The following PAK5 variants were observed in gnomAD, a reference collection of about 807,000 sequenced individuals.
The protein encoded by PAK5 is p21 (RAC1) activated kinase 5.
PAK5 carries 16 observed loss-of-function variants against 65.9 expected under a neutral mutation model. That is an observed-to-expected ratio of 0.24 (90% CI 0.16 to 0.37). PAK5 has a LOEUF of 0.37. Ranked by LOEUF, PAK5 falls within the 10% of genes least tolerant of loss-of-function variation. PAK5 has a pLI of 1.00. For synonymous variants in PAK5, 371 were observed against 354.9 expected (o/e 1.05, Z -0.51); for missense variants, 785 against 903.9 (o/e 0.87, Z 1.69).
chr20:9,804,461 G>A (rs557561358), intron 1 of PAK5, among the ~76,000 whole-genome samples: 1 of 152,050 alleles, frequency 6.6e-6, no homozygotes, highest in East Asian at 1.9e-4. Context: ...GACAATACAT[G>A]GGAAAAAATC....
chr20:9,633,132 C>T (rs966425888), intron 3 of PAK5, among the ~76,000 whole-genome samples: 5 of 152,264 alleles, frequency 3.3e-5, no homozygotes, highest in Admixed American at 6.5e-5. Flanking sequence ...GGTGGCTCTG[C>T]TTCCAGTTTC....
At chr20:9,736,961 T>C (rs1392660774) in intron 1 of PAK5, among the ~76,000 whole-genome samples, 1 of 152,128 alleles carries the variant, frequency 6.6e-6, no homozygotes. Flanking sequence ...TCAGATTTCT[T>C]ATTAGAAACA....
chr20:9,634,662 G>A (rs1025234930), intron 3 of PAK5, among the ~76,000 whole-genome samples: 1 of 152,076 alleles, frequency 6.6e-6, no homozygotes, highest in Non-Finnish European at 1.5e-5. Context: ...AGATTGGATG[G>A]GATCATAAAA....
In PAK5 at chr20:9,594,934, C is replaced by T. The variant is rs146167787; in HGVS notation, c.205-14004G>A. On this transcript the variant is annotated intron_variant, in intron 3 of 9. Transcript: ENST00000353224. The stretch of plus-strand genomic sequence containing the variant: ...TAAGGATTTTAAAATCAGTCCATTC[C>T]CTCTGTGTATATATAAAATCATATA... 2.3e-3 allele frequency among the ~76,000 whole-genome samples: 352 copies of T among 152,034 alleles called. 1 individual carries two copies. The highest frequency in any genetic ancestry group is 8.3e-3 in the African/African-American group (342 of 41,452).
intron 3 of PAK5, among the ~76,000 whole-genome samples, chr20:9,630,191 C>T (rs535014500): frequency 1.4e-4 from 21 of 152,162 alleles, no homozygotes; most frequent in African/African-American, 3.9e-4. Context: ...TAAAAAATTC[C>T]GATGATCTCT....
intron 1 of PAK5, among the ~76,000 whole-genome samples, chr20:9,735,635 AC>A (rs1216050119): frequency 6.6e-6 from 1 of 152,162 alleles, no homozygotes; most frequent in Non-Finnish European, 1.5e-5. Context: ...GACTAAAAAA[AC>A]AAAAAATAGA....
At chr20:9,600,063 T>C (rs1266537405) in intron 3 of PAK5, among the ~76,000 whole-genome samples, 1 of 152,198 alleles carries the variant, frequency 6.6e-6, no homozygotes, top group Admixed American at 6.5e-5. Context: ...TTTTTTAGGC[T>C]GTTGGGTATC....
rs961175037 is a variant in PAK5 at position 9,784,747 on chromosome 20, G to A, written c.-162+54015C>T. On this transcript the variant is annotated intron_variant, in intron 1 of 9. Transcript: ENST00000353224. ...GGAAGACATCAGACATAGATGGATC[G>A]TATTCTCTGTGAAGTGAAAGGCAGG... is the stretch of plus-strand genomic sequence containing the variant. 5.3e-5 allele frequency among the ~76,000 whole-genome samples: 8 copies of A among 151,558 alleles called. No individual in the cohort carries two copies. In the South Asian group the frequency reaches 8.4e-4, roughly 16 times the overall value.
chr20:9,688,824 C>T (rs567242285), intron 2 of PAK5, among the ~76,000 whole-genome samples: 15 of 152,224 alleles, frequency 9.9e-5, no homozygotes, highest in African/African-American at 2.9e-4. Context: ...CTGGCAAAAA[C>T]GTGTGCTATA....
chr20:9,781,802 T>C (rs1010512076), intron 1 of PAK5, among the ~76,000 whole-genome samples: 2 of 152,086 alleles, frequency 1.3e-5, no homozygotes, highest in Non-Finnish European at 2.9e-5. Context: ...TTCCAACTGC[T>C]TCTCACTTCC....
chr20:9,594,994 C>T (rs1352098671), intron 3 of PAK5, among the ~76,000 whole-genome samples: 1 of 151,782 alleles, frequency 6.6e-6, no homozygotes, highest in Non-Finnish European at 1.5e-5. Flanking sequence ...TATATATAAA[C>T]ACATATACAC....
chr20:9,559,987 A>G (rs2045568046), intron 6 of PAK5, among the ~76,000 whole-genome samples: 1 of 152,232 alleles, frequency 6.6e-6, no homozygotes, highest in Non-Finnish European at 1.5e-5. Flanking sequence ...AAGCTCACAT[A>G]TACCTTCAAA....
rs1041202744 is a variant in PAK5, at chr20:9,754,116, G to T, written c.-161-42681C>A. Among the ~76,000 whole-genome samples the T allele has an allele frequency of 5.3e-5, 8 of 152,244 alleles. No homozygotes were observed. The East Asian group carries it at 1.5e-3, about 29-fold the overall frequency. Reference sequence around the variant, plus strand: ...TTCCAGAAAGTTTCATTTTGCTTAAGATAGTTAGCATCAGTTTTTACTTTG... The same window carrying T: ...TTCCAGAAAGTTTCATTTTGCTTAATATAGTTAGCATCAGTTTTTACTTTG... On this transcript the variant is annotated intron_variant, in intron 1 of 9. Transcript: ENST00000353224.
chr20:9,769,683 A>G (rs1248318342), intron 1 of PAK5, among the ~76,000 whole-genome samples: 2 of 152,258 alleles, frequency 1.3e-5, no homozygotes, highest in African/African-American at 4.8e-5. Context: ...GCTATGGGCT[A>G]GAGAGCACAT....
intron 1 of PAK5, among the ~76,000 whole-genome samples, chr20:9,751,008 T>A (rs1385946824): frequency 6.6e-6 from 1 of 151,994 alleles, no homozygotes; most frequent in Non-Finnish European, 1.5e-5. Flanking sequence ...CAAAACAAGT[T>A]CTCCCAGCTA....
intron 3 of PAK5, among the ~76,000 whole-genome samples, chr20:9,605,893 G>A (rs2046445345): frequency 6.6e-6 from 1 of 152,126 alleles, no homozygotes. Flanking sequence ...TGGCGCTACT[G>A]CACTCCAGCC....
At position 9,691,202 on chromosome 20, in the gene PAK5, G is replaced by T. The variant is rs559800742; in HGVS notation, c.-12+20084C>A. 7.5e-4 allele frequency among the ~76,000 whole-genome samples: 114 copies of T among 152,258 alleles called. 1 individual carries two copies. The highest frequency in any genetic ancestry group is 1.4e-3 in the Non-Finnish European group (94 of 68,034). On this transcript the variant is annotated intron_variant, in intron 2 of 9. Coordinates refer to ENST00000353224, the MANE Select transcript of PAK5 (RefSeq NM_177990.4). ...TTCTCAGACATGCCTAAGAAGAAAT[G>T]CACTTGTAGGTGTTTCAAACGCAGG...
chr20:9,687,886 G>GGGGTGT (rs146092163), intron 2 of PAK5, among the ~76,000 whole-genome samples: 4 of 148,626 alleles, frequency 2.7e-5, no homozygotes, highest in African/African-American at 7.4e-5. Flanking sequence ...AAGAGAGGGA[G>GGGGTGT]GTGTGTGTGT....
chr20:9,678,209 C>T lies in PAK5; in HGVS notation c.-12+33077G>A, dbSNP rs371288565. Among the ~76,000 whole-genome samples the T allele has an allele frequency of 1.1e-4, 16 of 152,294 alleles. No individual in the cohort carries two copies. In the East Asian group the frequency reaches 2.3e-3, roughly 22 times the overall value. On this transcript the variant is annotated intron_variant, in intron 2 of 9. Coordinates refer to ENST00000353224, the MANE Select transcript of PAK5 (RefSeq NM_177990.4). Reference sequence around the variant, plus strand: ...TATTTCTGTGGGAAATTGTGCCCTTCGAGAATGTATTAGAGAGAACAAGCT... The same window carrying T: ...TATTTCTGTGGGAAATTGTGCCCTTTGAGAATGTATTAGAGAGAACAAGCT...
Sources: gnomAD v4.1 joint callset for allele counts (sites outside exome capture counted in the v4.1 genomes callset) on GRCh38, gnomAD v4.1.1 for gene constraint, MANE v1.5 for transcripts, NCBI Gene and HGNC (gene_info 2026-07-23, HGNC 2026-07-21) for gene names.